Variants in STPG4 observed in about 807,000 individuals in gnomAD.
The protein encoded by STPG4 is protein STPG4.
A neutral mutation model predicts 31.5 loss-of-function variants in STPG4; 41 were observed. That is an observed-to-expected ratio of 1.30 (90% CI 1.01 to 1.69). The LOEUF is 1.69. Among genes scored for constraint, STPG4 ranks in the 40% most tolerant of loss-of-function variants. The pLI, the probability that STPG4 is intolerant of heterozygous loss-of-function variation, is 0.00. For missense variants in STPG4, 375 were observed against 293.4 expected (o/e 1.28, Z -2.03); for synonymous variants, 141 against 103.0 (o/e 1.37, Z -2.24).
chr2:47,109,289 G>T (rs192033992), intron 5 of STPG4, among the ~76,000 whole-genome samples: 8 of 152,328 alleles, frequency 5.3e-5, no homozygotes, highest in African/African-American at 1.9e-4. Flanking sequence ...AGGCGCAGTG[G>T]CTTATGCCTG....
At chr2:47,107,288 G>C (rs116170549) in intron 5 of STPG4, among the ~76,000 whole-genome samples, 3,985 of 152,164 alleles carry the variant, frequency 0.026, 238 homozygotes, top group African/African-American at 0.091. Flanking sequence ...AGGGAGACGC[G>C]CAAGTGGGAA....
intron 5 of STPG4, among the ~76,000 whole-genome samples, chr2:47,115,426 G>C (rs772687432): frequency 2.6e-5 from 4 of 152,020 alleles, no homozygotes; most frequent in Non-Finnish European, 4.4e-5. Context: ...TATTTGGGAG[G>C]TAATTTTTAT....
At chr2:47,097,143 T>C (rs1258660199) in intron 5 of STPG4, among the ~76,000 whole-genome samples, 1 of 152,170 alleles carries the variant, frequency 6.6e-6, no homozygotes, top group Non-Finnish European at 1.5e-5. Flanking sequence ...GGATTTTTAA[T>C]CATTACTATG....
rs567507368 is a variant in STPG4, at chr2:47,097,014, G to C, written c.520-6640C>G. Among the ~76,000 whole-genome samples, 81 of 152,242 alleles carry C rather than the reference G, an allele frequency of 5.3e-4. 1 individual carries two copies. Among genetic ancestry groups the C allele is most frequent in the Non-Finnish European group, 3.1e-4 (21 of 68,022 alleles). On this transcript the variant is annotated intron_variant, in intron 5 of 6. Transcript: ENST00000445927. Reference sequence around the variant, plus strand: ...GGAAGCTCCAGGGAAGAGGCATCTGGAGTAACCCCTTGAAGATAGGGAGGA... The same window carrying C: ...GGAAGCTCCAGGGAAGAGGCATCTGCAGTAACCCCTTGAAGATAGGGAGGA...
chr2:47,109,310 A>G (rs1468869835), intron 5 of STPG4, among the ~76,000 whole-genome samples: 1 of 152,146 alleles, frequency 6.6e-6, no homozygotes. Context: ...TAATCCCCAC[A>G]CTTTGGGAGG....
At chr2:47,151,919 G>GTTTTTTTTTT (rs71245620) in intron 2 of STPG4, among the ~76,000 whole-genome samples, 8 of 74,798 alleles carry the variant, frequency 1.1e-4, no homozygotes, top group African/African-American at 2.4e-4. Context: ...TTTTTGTTTT[G>GTTTTTTTTTT]TTTTTTTTTT....
At chr2:47,134,411 T>C (rs945894083) in intron 3 of STPG4, among the ~76,000 whole-genome samples, 1 of 152,170 alleles carries the variant, frequency 6.6e-6, no homozygotes, top group Non-Finnish European at 1.5e-5. Context: ...ATAGTCTCCA[T>C]AGTTTTGCCT....
At chr2:47,111,059 T>C (rs1360169884) in intron 5 of STPG4, among the ~76,000 whole-genome samples, 5 of 152,086 alleles carry the variant, frequency 3.3e-5, no homozygotes, top group Admixed American at 6.5e-5. Flanking sequence ...TTTAGGAGGG[T>C]TTTCTTAAAG....
intron 5 of STPG4, among the ~76,000 whole-genome samples, chr2:47,106,958 C>G (rs1253534348): frequency 6.6e-6 from 1 of 152,030 alleles, no homozygotes; most frequent in East Asian, 1.9e-4. Context: ...ACTGGCACTT[C>G]CACTGGCCTA....
intron 3 of STPG4, among the ~76,000 whole-genome samples, chr2:47,144,009 T>G (rs1039033868): frequency 6.6e-6 from 1 of 152,130 alleles, no homozygotes; most frequent in African/African-American, 2.4e-5. Context: ...ATCACCATCT[T>G]CTCCCTGTCC....
At chr2:47,129,754 T>C (rs967154972) in intron 5 of STPG4, 187 bp downstream of exon 5, 2 of 635,826 alleles carry the variant, frequency 3.1e-6, no homozygotes, top group Admixed American at 3.6e-5. Context: ...GGTATTGCGA[T>C]CCCACACTTG....
chr2:47,133,145 T>C (rs1208151277), intron 3 of STPG4, among the ~76,000 whole-genome samples: 3 of 152,054 alleles, frequency 2.0e-5, no homozygotes, highest in Non-Finnish European at 4.4e-5. Flanking sequence ...ATATATATAT[T>C]TCTAACTCCA....
At chr2:47,131,198 C>T (rs570080667) in intron 3 of STPG4, among the ~76,000 whole-genome samples, 1 of 151,880 alleles carries the variant, frequency 6.6e-6, no homozygotes, top group African/African-American at 2.4e-5. Context: ...GTGATCACAG[C>T]TCACTGAAGC....
Position 47,155,226 on chromosome 2 carries a change from G to A in STPG4, c.26C>T (p.Ala9Val), listed in dbSNP as rs764720064. 6.2e-7 allele frequency: 1 copy of A among 1,614,216 alleles called. No individual in the cohort carries two copies. The change falls in exon 1 of 7, where the codon GCT becomes GTT. Residue 9 changes from alanine (A) to valine (V), a missense_variant. Transcript: ENST00000445927. MDQPAVAT[A>V]STSIREDLVG... ...CAGGTCTTCCCTTATTGAGGTGGAA[G>A]CGGTGGCGACGGCTGGCTGGTCCAT...
At chr2:47,097,466 A>C (rs1227777931) in intron 5 of STPG4, among the ~76,000 whole-genome samples, 2 of 152,080 alleles carry the variant, frequency 1.3e-5, no homozygotes, top group Admixed American at 6.5e-5. Context: ...TGATTATGTC[A>C]TTAGGGCTTC....
chr2:47,101,615 T>C (rs1460882851), intron 5 of STPG4, among the ~76,000 whole-genome samples: 1 of 151,782 alleles, frequency 6.6e-6, no homozygotes, highest in Non-Finnish European at 1.5e-5. Flanking sequence ...TGTTACCTTC[T>C]TTAGGCACCC....
At chr2:47,115,521 C>T (rs1686129676) in intron 5 of STPG4, among the ~76,000 whole-genome samples, 1 of 152,076 alleles carries the variant, frequency 6.6e-6, no homozygotes, top group East Asian at 1.9e-4. Context: ...AAATAATGTT[C>T]CTGTTCTCAT....
chr2:47,122,478 C>T lies in STPG4; in HGVS notation c.519+7463G>A, dbSNP rs561502294. 5.7e-4 allele frequency among the ~76,000 whole-genome samples: 87 copies of T among 151,906 alleles called. 2 individuals are homozygous for T. Among genetic ancestry groups the T allele is most frequent in the Non-Finnish European group, 2.4e-4 (16 of 67,992 alleles). On this transcript the variant is annotated intron_variant, in intron 5 of 6. Transcript: ENST00000445927. ...CTTCAAAAGTATCAAATTTTTTAAT[C>T]AATATGAAATTTATTTTAATGTGTG...
In STPG4 at chr2:47,112,673, T is replaced by C. The variant is rs955913157; in HGVS notation, c.519+17268A>G. 3.9e-5 allele frequency among the ~76,000 whole-genome samples: 6 copies of C among 152,336 alleles called. No individual in the cohort carries two copies. In the East Asian group the frequency reaches 1.2e-3, roughly 29 times the overall value. ...CTACAGCTCAGATTTCTGGTGATTGTAGGTTTCACATATATCAACATTGAG... is the reference window on the plus strand; with the variant it reads ...CTACAGCTCAGATTTCTGGTGATTGCAGGTTTCACATATATCAACATTGAG... On this transcript the variant is annotated intron_variant, in intron 5 of 6. Coordinates refer to ENST00000445927, the MANE Select transcript of STPG4 (RefSeq NM_001163561.2).
Sources: gnomAD v4.1 joint callset for allele counts (sites outside exome capture counted in the v4.1 genomes callset) on GRCh38, gnomAD v4.1.1 for gene constraint, MANE v1.5 for transcripts, NCBI Gene and HGNC (gene_info 2026-07-23, HGNC 2026-07-21) for gene names.